Variants in KCNIP4 observed in about 807,000 individuals in gnomAD.
KCNIP4 encodes the protein potassium voltage-gated channel interacting protein 4.
In KCNIP4, 12 loss-of-function variants were observed where a neutral mutation model predicts 34.0. The observed-to-expected ratio is 0.35, with a 90% CI of 0.23 to 0.57. The LOEUF is 0.57. Ranked by LOEUF, KCNIP4 falls within the 20% of genes least tolerant of loss-of-function variation. The pLI, the probability that KCNIP4 is intolerant of heterozygous loss-of-function variation, is 0.83. For synonymous variants in KCNIP4, 124 were observed against 102.2 expected, an observed-to-expected ratio of 1.21 and a Z score of -1.29; for missense variants, 238 against 311.7, an observed-to-expected ratio of 0.76 and a Z score of 1.78.
chr4:21,101,439 T>A (rs1054679093), intron 1 of KCNIP4, among the ~76,000 whole-genome samples: 1 of 152,208 alleles, frequency 6.6e-6, no homozygotes, highest in African/African-American at 2.4e-5. Context: ...TTTTCTTCCA[T>A]TGATGGACAC....
intron 1 of KCNIP4, among the ~76,000 whole-genome samples, chr4:21,505,884 T>G (rs1330455445): frequency 1.3e-5 from 2 of 152,054 alleles, no homozygotes; most frequent in Non-Finnish European, 2.9e-5. Flanking sequence ...AGGTGGATCA[T>G]CTGAGCTCAG....
chr4:21,282,755 A>C lies in KCNIP4; in HGVS notation c.62-400046T>G, dbSNP rs186238709. ...GTTTTTCAAATTCCTTCATGCCTCT[A>C]TGATACTCTTTGCTTCTGCTCAGTA... On this transcript the variant is annotated intron_variant, in intron 1 of 8. Transcript: ENST00000382152. Among the ~76,000 whole-genome samples, 316 of 152,258 alleles carry C rather than the reference A, an allele frequency of 2.1e-3. 4 individuals are homozygous for C. Among genetic ancestry groups the C allele is most frequent in the Middle Eastern group, 3.4e-3 (1 of 294 alleles).
chr4:21,743,636 T>C lies in KCNIP4; in HGVS notation c.61+204935A>G, dbSNP rs558976196. ...TAAACACATTCCTTGACACAATTCC[T>C]TTTTTTTGTAGGGGGAGGGGGGAGA... On this transcript the variant is annotated intron_variant, in intron 1 of 8. Transcript: ENST00000382152. 1.5e-4 allele frequency among the ~76,000 whole-genome samples: 22 copies of C among 150,560 alleles called. 1 individual carries two copies. The South Asian group carries it at 4.6e-3, about 32-fold the overall frequency.
intron 1 of KCNIP4, among the ~76,000 whole-genome samples, chr4:21,630,763 C>G (rs1560576537): frequency 6.6e-6 from 1 of 152,148 alleles, no homozygotes; most frequent in Non-Finnish European, 1.5e-5. Context: ...ATCCAATGAA[C>G]AGTTGTTTCC....
chr4:21,539,134 C>T (rs1737469280), intron 1 of KCNIP4, among the ~76,000 whole-genome samples: 1 of 152,156 alleles, frequency 6.6e-6, no homozygotes, highest in Admixed American at 6.6e-5. Context: ...TCCAGCCATG[C>T]AGAACTGTGA....
At chr4:21,553,177 T>C (rs1364132875) in intron 1 of KCNIP4, among the ~76,000 whole-genome samples, 1 of 152,034 alleles carries the variant, frequency 6.6e-6, no homozygotes. Flanking sequence ...TAACAAGTTG[T>C]GAGCACAGAT....
chr4:20,979,706 A>G (rs1294505716), intron 1 of KCNIP4, among the ~76,000 whole-genome samples: 1 of 151,708 alleles, frequency 6.6e-6, no homozygotes, highest in African/African-American at 2.4e-5. Context: ...CTCTGCTTGC[A>G]CTTTCTTACC....
chr4:20,879,091 G>A (rs1200318080), intron 2 of KCNIP4, among the ~76,000 whole-genome samples: 2 of 152,130 alleles, frequency 1.3e-5, no homozygotes, highest in Non-Finnish European at 1.5e-5. Context: ...GCATTCATCC[G>A]CATCCTGGGA....
At chr4:21,331,571 A>T (rs769370244) in intron 1 of KCNIP4, among the ~76,000 whole-genome samples, 1 of 152,116 alleles carries the variant, frequency 6.6e-6, no homozygotes, top group Non-Finnish European at 1.5e-5. Flanking sequence ...TTTATTCACT[A>T]GTTTGCTCAT....
At chr4:21,505,850 C>A (rs1173498459) in intron 1 of KCNIP4, among the ~76,000 whole-genome samples, 1 of 152,130 alleles carries the variant, frequency 6.6e-6, no homozygotes, top group Non-Finnish European at 1.5e-5. Context: ...TGCCTGTAAT[C>A]CCAGCACTTT....
chr4:20,981,752 A>G (rs1373074224), intron 1 of KCNIP4, among the ~76,000 whole-genome samples: 1 of 152,208 alleles, frequency 6.6e-6, no homozygotes, highest in African/African-American at 2.4e-5. Context: ...GCATCCTTGT[A>G]TTTTAACATG....
chr4:21,519,266 C>G (rs1735048914), intron 1 of KCNIP4, among the ~76,000 whole-genome samples: 1 of 151,570 alleles, frequency 6.6e-6, no homozygotes, highest in African/African-American at 2.4e-5. Flanking sequence ...CTTGAGAAAT[C>G]AGCCATCTAT....
chr4:20,761,479 C>A (rs1754957060), intron 3 of KCNIP4, among the ~76,000 whole-genome samples: 1 of 152,174 alleles, frequency 6.6e-6, no homozygotes, highest in South Asian at 2.1e-4. Flanking sequence ...GTTAGACCCT[C>A]TCACACATGG....
At chr4:20,822,651 A>C (rs58431126) in intron 3 of KCNIP4, among the ~76,000 whole-genome samples, 18,194 of 152,204 alleles carry the variant, frequency 0.12, 1,273 homozygotes, top group South Asian at 0.24. Context: ...CGCTGGAACA[A>C]GTTACAATCT....
intron 1 of KCNIP4, among the ~76,000 whole-genome samples, chr4:21,002,105 C>A (rs1738188364): frequency 6.6e-6 from 1 of 152,194 alleles, no homozygotes; most frequent in Admixed American, 6.5e-5. Context: ...GATAAATAGG[C>A]AGCACTGTTC....
At chr4:21,343,910 C>A (rs981177265) in intron 1 of KCNIP4, among the ~76,000 whole-genome samples, 4 of 152,020 alleles carry the variant, frequency 2.6e-5, no homozygotes, top group African/African-American at 9.7e-5. Context: ...AACCACACTC[C>A]GAGGTAGATG....
chr4:21,303,731 G>T (rs939390100), intron 1 of KCNIP4: 6 of 1,134,072 alleles, frequency 5.3e-6, no homozygotes, highest in African/African-American at 3.1e-5. Context: ...CATTTCAGGT[G>T]CCTCTTACAT....
At chr4:21,915,606 T>C (rs1393055319) in intron 1 of KCNIP4, among the ~76,000 whole-genome samples, 1 of 152,194 alleles carries the variant, frequency 6.6e-6, no homozygotes. Context: ...TCTATCCCTT[T>C]TTGGAGAGAG....
At chr4:21,513,663 C>A (rs936069066) in intron 1 of KCNIP4, among the ~76,000 whole-genome samples, 2 of 152,212 alleles carry the variant, frequency 1.3e-5, no homozygotes, top group Non-Finnish European at 2.9e-5. Context: ...GCAGAACCTT[C>A]AGCCTTCACG....
Sources: allele counts gnomAD v4.1 joint callset (sites outside exome capture counted in the v4.1 genomes callset), GRCh38; gene constraint gnomAD v4.1.1; transcripts MANE v1.5; gene names NCBI Gene and HGNC (gene_info 2026-07-23, HGNC 2026-07-21).